The following SCML4 variants were observed in gnomAD, a reference collection of about 807,000 sequenced individuals.
SCML4 encodes the protein sex comb on midleg-like protein 4.
Under a neutral mutation model 41.1 loss-of-function variants are expected in SCML4, and 34 were observed. The observed-to-expected ratio is 0.83, with a 90% CI of 0.63 to 1.10. The LOEUF (loss-of-function observed/expected upper bound fraction) is 1.10, where lower values mean the gene tolerates loss of function less well. SCML4 is among the 50% of genes least tolerant of loss of function. The pLI is 0.00. For synonymous variants in SCML4, 214 were observed against 220.9 expected, an observed-to-expected ratio of 0.97 and a Z score of 0.28; for missense variants, 522 against 534.1, an observed-to-expected ratio of 0.98 and a Z score of 0.22.
the SCML4 span, among the ~76,000 whole-genome samples, chr6:107,832,803 T>C: frequency 6.6e-6 from 1 of 152,026 alleles, no homozygotes; most frequent in Non-Finnish European, 1.5e-5. Flanking sequence ...CGGTAGAGGA[T>C]AGGGTGCTGC....
chr6:107,811,877 C>T (rs1450659780), intron 1 of SCML4, among the ~76,000 whole-genome samples: 1 of 152,120 alleles, frequency 6.6e-6, no homozygotes, highest in South Asian at 2.1e-4. Context: ...CCAGTCGTGG[C>T]GTCTATGATG....
At chr6:107,785,411 A>T (rs1284911225) in intron 1 of SCML4, among the ~76,000 whole-genome samples, 2 of 152,246 alleles carry the variant, frequency 1.3e-5, no homozygotes, top group African/African-American at 4.8e-5. Flanking sequence ...CGTAGCCTGC[A>T]GCTGTGCCCT....
intron 5 of SCML4, among the ~76,000 whole-genome samples, chr6:107,741,591 G>A (rs116322007): frequency 0.018 from 2,806 of 152,308 alleles, 69 homozygotes; most frequent in African/African-American, 0.064. Context: ...TGGCTGTTAC[G>A]CAGTACCACA....
At chr6:107,728,843 GT>G (rs1776250000) in intron 5 of SCML4, among the ~76,000 whole-genome samples, 1 of 152,192 alleles carries the variant, frequency 6.6e-6, no homozygotes, top group Non-Finnish European at 1.5e-5. Flanking sequence ...ATGTGGCTCT[GT>G]AAAGTGGCTC....
At chr6:107,825,225 T>A (rs1785206362), upstream of SCML4, among the ~76,000 whole-genome samples, 1 of 152,230 alleles carries the variant, frequency 6.6e-6, no homozygotes, top group Non-Finnish European at 1.5e-5. Flanking sequence ...TTCACAGGTA[T>A]TTCCTACAAG....
At chr6:107,753,038 T>C (rs1432092098) in intron 2 of SCML4, among the ~76,000 whole-genome samples, 3 of 152,134 alleles carry the variant, frequency 2.0e-5, no homozygotes, top group African/African-American at 7.2e-5. Flanking sequence ...AGCAGAGAAC[T>C]AGCCATAGCA....
intron 1 of SCML4, among the ~76,000 whole-genome samples, chr6:107,781,347 G>A (rs1781478394): frequency 6.6e-6 from 1 of 152,090 alleles, no homozygotes; most frequent in Non-Finnish European, 1.5e-5. Flanking sequence ...TGATAAGCAG[G>A]CCAAAAGAGG....
chr6:107,842,262 A>G, the SCML4 span, among the ~76,000 whole-genome samples: 1 of 152,168 alleles, frequency 6.6e-6, no homozygotes, highest in South Asian at 2.1e-4. Flanking sequence ...GCTTAATTCC[A>G]TTATGCGCCA....
At chr6:107,800,273 A>G (rs1783018845) in intron 1 of SCML4, among the ~76,000 whole-genome samples, 1 of 152,222 alleles carries the variant, frequency 6.6e-6, no homozygotes, top group Admixed American at 6.5e-5. Flanking sequence ...GGATAATGTA[A>G]CATACTAATT....
At position 107,810,207 on chromosome 6, in the gene SCML4, G is replaced by A. The variant is rs142654394; in HGVS notation, c.-60+13919C>T. Reference sequence around the variant, plus strand: ...TCCAACTCCAAGGGTGCCCAGGCTCGCTCTTCTCACTCTGGCCCTCCCCAC... The same window carrying A: ...TCCAACTCCAAGGGTGCCCAGGCTCACTCTTCTCACTCTGGCCCTCCCCAC... On this transcript the variant is annotated intron_variant, in intron 1 of 7. Coordinates refer to ENST00000369020, the MANE Select transcript of SCML4 (RefSeq NM_198081.5). Among the ~76,000 whole-genome samples the A allele has an allele frequency of 2.0e-4, 30 of 152,228 alleles. No homozygotes were observed. In the East Asian group the frequency reaches 5.4e-3, roughly 27 times the overall value.
At chr6:107,741,288 C>T (rs531367943) in intron 5 of SCML4, among the ~76,000 whole-genome samples, 11 of 152,282 alleles carry the variant, frequency 7.2e-5, no homozygotes, top group East Asian at 1.9e-4. Flanking sequence ...CTGACTTCCA[C>T]GTTCAAGTCC....
chr6:107,771,066 C>T (rs139853802), intron 2 of SCML4, among the ~76,000 whole-genome samples: 1,738 of 152,240 alleles, frequency 0.011, 33 homozygotes, highest in African/African-American at 0.04. Context: ...GAAGACTTTA[C>T]CTCATGAGAT....
intron 2 of SCML4, among the ~76,000 whole-genome samples, chr6:107,764,797 G>A (rs945984997): frequency 6.6e-6 from 1 of 152,090 alleles, no homozygotes; most frequent in Non-Finnish European, 1.5e-5. Context: ...CTGAATCATG[G>A]GGGTAATTTC....
intron 1 of SCML4, among the ~76,000 whole-genome samples, chr6:107,776,267 C>T (rs566251439): frequency 3.3e-5 from 5 of 152,072 alleles, no homozygotes; most frequent in Non-Finnish European, 5.9e-5. Flanking sequence ...AAGGTTAATA[C>T]AAAGAACTGC....
chr6:107,811,307 CA>C (rs1306726960), intron 1 of SCML4, among the ~76,000 whole-genome samples: 1 of 152,184 alleles, frequency 6.6e-6, no homozygotes, highest in Non-Finnish European at 1.5e-5. Flanking sequence ...CCACTGTTTC[CA>C]TCCTATTAAT....
chr6:107,817,029 C>T (rs1439049702), intron 1 of SCML4, among the ~76,000 whole-genome samples: 2 of 152,162 alleles, frequency 1.3e-5, no homozygotes, highest in Non-Finnish European at 2.9e-5. Flanking sequence ...TTAACTTTGT[C>T]CTGGAAGTTC....
chr6:107,821,728 C>G (rs1248261028), intron 1 of SCML4, among the ~76,000 whole-genome samples: 1 of 152,110 alleles, frequency 6.6e-6, no homozygotes, highest in African/African-American at 2.4e-5. Flanking sequence ...ATCCCGGCTC[C>G]CTGGCATCTA....
the SCML4 span, among the ~76,000 whole-genome samples, chr6:107,840,654 T>C: frequency 6.6e-6 from 1 of 152,184 alleles, no homozygotes; most frequent in African/African-American, 2.4e-5. Flanking sequence ...TGATAACTGC[T>C]ACAGAGAAAA....
intron 5 of SCML4, among the ~76,000 whole-genome samples, chr6:107,742,308 A>T (rs1292349051): frequency 6.6e-6 from 1 of 152,224 alleles, no homozygotes; most frequent in Non-Finnish European, 1.5e-5. Context: ...ACCTCAAAAG[A>T]CAAAATCTAA....
Sources: allele counts gnomAD v4.1 joint callset (sites outside exome capture counted in the v4.1 genomes callset), GRCh38; gene constraint gnomAD v4.1.1; transcripts MANE v1.5; gene names NCBI Gene and HGNC (gene_info 2026-07-23, HGNC 2026-07-21).